The following SLC16A1 variants were observed in gnomAD, a reference collection of about 807,000 sequenced individuals.
SLC16A1 encodes the protein monocarboxylate transporter 1.
Under a neutral mutation model 32.2 loss-of-function variants are expected in SLC16A1, and 11 were observed. The observed-to-expected ratio is 0.34, with a 90% CI of 0.21 to 0.56. The LOEUF is 0.56. Ranked by LOEUF, SLC16A1 falls within the 20% of genes least tolerant of loss-of-function variation. The pLI is 0.87. For missense variants in SLC16A1, 435 were observed against 615.0 expected (o/e 0.71, Z 3.10); for synonymous variants, 231 against 226.8 (o/e 1.02, Z -0.17).
chr1:112,924,378 T>G (rs1648859670), intron 2 of SLC16A1: 2 of 1,196,734 alleles, frequency 1.7e-6, no homozygotes, highest in Non-Finnish European at 2.5e-6. Context: ...AAGGCTCTTC[T>G]GTAACCTCTT....
At chr1:112,932,996 T>C (rs866274006) in intron 1 of SLC16A1, among the ~76,000 whole-genome samples, 28 of 152,074 alleles carry the variant, frequency 1.8e-4, no homozygotes, top group Admixed American at 7.2e-4. Context: ...TATGAAAACA[T>C]TTTTAAATGC....
intron 1 of SLC16A1, among the ~76,000 whole-genome samples, chr1:112,942,018 C>A (rs1649529854): frequency 6.6e-6 from 1 of 152,032 alleles, no homozygotes; most frequent in African/African-American, 2.4e-5. Flanking sequence ...GTTGCCCAGG[C>A]TAGAGTACAA....
chr1:112,924,922 C>T (rs1570626991), intron 2 of SLC16A1, among the ~76,000 whole-genome samples: 1 of 152,196 alleles, frequency 6.6e-6, no homozygotes, highest in East Asian at 1.9e-4. Context: ...TTCAGAATTA[C>T]TTGGTTCCAT....
chr1:112,948,497 C>A (rs192666459), intron 1 of SLC16A1, among the ~76,000 whole-genome samples: 1 of 152,028 alleles, frequency 6.6e-6, no homozygotes, highest in Admixed American at 6.6e-5. Flanking sequence ...TGGAGTCTAG[C>A]CTAAAATATA....
intron 1 of SLC16A1, 66 bp downstream of exon 1, chr1:112,955,969 C>T (rs1650079292): frequency 6.6e-6 from 1 of 152,294 alleles, no homozygotes; most frequent in African/African-American, 2.4e-5. Flanking sequence ...TCCCCTCCGA[C>T]CCCACCAGGG....
intron 2 of SLC16A1, among the ~76,000 whole-genome samples, chr1:112,925,527 T>C (rs914700577): frequency 3.9e-5 from 6 of 152,058 alleles, no homozygotes; most frequent in African/African-American, 9.7e-5. Context: ...TTCAGGTGCA[T>C]GCCACCGTGC....
intron 4 of SLC16A1, among the ~76,000 whole-genome samples, chr1:112,916,820 C>G (rs889665652): frequency 5.3e-5 from 8 of 151,532 alleles, no homozygotes; most frequent in Non-Finnish European, 1.0e-4. Context: ...ATCCCAGCTA[C>G]CGGGAGGCTG....
intron 3 of SLC16A1, 37 bp from the exon 4 acceptor site, chr1:112,918,081 TAAATA>T: frequency 9.0e-7 from 1 of 1,107,474 alleles, no homozygotes; most frequent in Non-Finnish European, 1.1e-6. Flanking sequence ...AATAAATAAA[TAAATA>T]AATAAATAAA....
intron 2 of SLC16A1, among the ~76,000 whole-genome samples, chr1:112,928,376 T>C (rs908858464): frequency 6.6e-6 from 1 of 152,220 alleles, no homozygotes; most frequent in African/African-American, 2.4e-5. Flanking sequence ...GCTGAATATA[T>C]TCATAGAACT....
At chr1:112,941,073 T>C (rs1649489993) in intron 1 of SLC16A1, among the ~76,000 whole-genome samples, 1 of 152,152 alleles carries the variant, frequency 6.6e-6, no homozygotes, top group African/African-American at 2.4e-5. Flanking sequence ...GTTGAAAAAC[T>C]ACCTATTGGG....
chr1:112,930,143 C>T (rs890753704), intron 1 of SLC16A1, among the ~76,000 whole-genome samples: 1 of 152,154 alleles, frequency 6.6e-6, no homozygotes, highest in Non-Finnish European at 1.5e-5. Context: ...CGATTTATAG[C>T]TGGTGAGTCA....
intron 1 of SLC16A1, among the ~76,000 whole-genome samples, chr1:112,946,204 A>AT (rs1186923205): frequency 2.6e-5 from 4 of 152,106 alleles, no homozygotes; most frequent in Admixed American, 2.0e-4. Context: ...ACAAAGGGTT[A>AT]TTTTTTCACT....
At position 112,917,362 on chromosome 1, in the gene SLC16A1, A is replaced by T. The variant is rs1440570286; in HGVS notation, c.1044T>A (p.Pro348=). 3 of 1,614,224 alleles carry T rather than the reference A, an allele frequency of 1.9e-6. No homozygotes were observed. The South Asian group carries it at 3.3e-5, about 18-fold the overall frequency. Residue 348 remains proline, a synonymous_variant, in exon 4 of 5, where the codon CCT becomes CCA. Coordinates refer to ENST00000369626, the MANE Select transcript of SLC16A1 (RefSeq NM_003051.4). This position sits in a 1 kb window ranked among gnomAD's most constrained non-coding sequence, Gnocchi z 4.1. Reference sequence around the variant, plus strand: ...AGAATCCAACATAGGTAGTGGATAAAGGTGCTAGCATATGACACACTCCAT... The same window carrying T: ...AGAATCCAACATAGGTAGTGGATAATGGTGCTAGCATATGACACACTCCAT... ...VANGVCHMLA[P]LSTTYVGFCV... is the part of the protein sequence containing the mutation.
chr1:112,932,959 C>A (rs868594331), intron 1 of SLC16A1, among the ~76,000 whole-genome samples: 1 of 151,910 alleles, frequency 6.6e-6, no homozygotes, highest in African/African-American at 2.4e-5. Context: ...AATTGTATTT[C>A]TATATATTAA....
chr1:112,935,503 A>G (rs905543416), intron 1 of SLC16A1, among the ~76,000 whole-genome samples: 2 of 152,208 alleles, frequency 1.3e-5, no homozygotes, highest in African/African-American at 4.8e-5. Flanking sequence ...AATAGGTTTG[A>G]AGAGATTAGT....
intron 1 of SLC16A1, among the ~76,000 whole-genome samples, chr1:112,947,826 C>T (rs978991659): frequency 6.6e-5 from 10 of 152,170 alleles, no homozygotes; most frequent in Non-Finnish European, 1.2e-4. Flanking sequence ...TTGTTTGCTT[C>T]ACCAGTAACA....
chr1:112,941,731 T>C (rs925455912), intron 1 of SLC16A1, among the ~76,000 whole-genome samples: 1 of 152,196 alleles, frequency 6.6e-6, no homozygotes, highest in African/African-American at 2.4e-5. Flanking sequence ...AAAGCTAACA[T>C]TTGTAACTGT....
chr1:112,952,924 A>T (rs532121777), intron 1 of SLC16A1, among the ~76,000 whole-genome samples: 24 of 152,254 alleles, frequency 1.6e-4, no homozygotes, highest in African/African-American at 5.8e-4. Context: ...CAAGCCAGAA[A>T]CCTGGGTTAT....
chr1:112,953,099 G>A (rs1318559612), intron 1 of SLC16A1, among the ~76,000 whole-genome samples: 1 of 150,270 alleles, frequency 6.7e-6, no homozygotes, highest in East Asian at 2.0e-4. Context: ...CATCCAAAGT[G>A]ATGTTCCTAA....
Sources: allele counts gnomAD v4.1 joint callset (sites outside exome capture counted in the v4.1 genomes callset), GRCh38; gene constraint gnomAD v4.1.1; non-coding constraint Gnocchi (gnomAD v3.1); transcripts MANE v1.5; gene names NCBI Gene and HGNC (gene_info 2026-07-23, HGNC 2026-07-21).